FAM50B: variants seen among roughly 807,000 people sequenced by gnomAD.
The protein encoded by FAM50B is protein FAM50B.
In FAM50B, 9 loss-of-function variants were observed where a neutral mutation model predicts 25.4. The observed-to-expected ratio is 0.35, with a 90% confidence interval of 0.21 to 0.62. FAM50B has a LOEUF of 0.62. FAM50B is among the 20% of genes least tolerant of loss of function. The pLI, the probability that FAM50B is intolerant of heterozygous loss-of-function variation, is 0.73. For missense variants in FAM50B, 372 were observed against 477.9 expected (o/e 0.78, Z 2.07); for synonymous variants, 212 against 204.3 (o/e 1.04, Z -0.32).
the FAM50B span, among the ~76,000 whole-genome samples, chr6:3,837,448 T>A: frequency 6.6e-6 from 1 of 152,156 alleles, no homozygotes; most frequent in Admixed American, 6.6e-5. Context: ...AGATGTCTGA[T>A]AGCAAGTAAG....
At chr6:3,848,556 C>T (rs778130496), upstream of FAM50B, among the ~76,000 whole-genome samples, 4 of 152,156 alleles carry the variant, frequency 2.6e-5, no homozygotes, top group African/African-American at 7.2e-5. Flanking sequence ...TGCTCTTAGG[C>T]GGGAGGAGGC....
chr6:3,836,110 A>G, the FAM50B span, among the ~76,000 whole-genome samples: 1 of 152,352 alleles, frequency 6.6e-6, no homozygotes, highest in South Asian at 2.1e-4. Context: ...CTGAGCATGT[A>G]CATCATGCCA....
chr6:3,841,864 C>T, the FAM50B span, among the ~76,000 whole-genome samples: 1 of 152,248 alleles, frequency 6.6e-6, no homozygotes, highest in African/African-American at 2.4e-5. Flanking sequence ...GCTCCAGGAA[C>T]AGCCTTGCCT....
At chr6:3,846,890 A>T (rs1191617711), upstream of FAM50B, among the ~76,000 whole-genome samples, 1 of 152,254 alleles carries the variant, frequency 6.6e-6, no homozygotes, top group Admixed American at 6.5e-5. Flanking sequence ...GCATGAAATC[A>T]ACTTTAATCT....
At chr6:3,842,552 G>C in the FAM50B span, among the ~76,000 whole-genome samples, 7 of 152,164 alleles carry the variant, frequency 4.6e-5, no homozygotes, top group African/African-American at 7.2e-5. Context: ...CCTGGCTTCT[G>C]TCATGCCCCT....
the FAM50B span, chr6:3,833,755 A>T: frequency 6.6e-6 from 1 of 152,182 alleles, no homozygotes; most frequent in South Asian, 2.1e-4. Context: ...ATGTGGCCCT[A>T]AGGAGTGCCA....
the FAM50B span, among the ~76,000 whole-genome samples, chr6:3,839,331 T>G: frequency 6.6e-6 from 1 of 152,058 alleles, no homozygotes; most frequent in Non-Finnish European, 1.5e-5. Context: ...AGGAAGAACA[T>G]TCATCTATTC....
At chr6:3,840,424 G>T in the FAM50B span, among the ~76,000 whole-genome samples, 9 of 151,466 alleles carry the variant, frequency 5.9e-5, no homozygotes, top group African/African-American at 2.2e-4. Context: ...AGTGAGCCGA[G>T]ATCACGCCAC....
upstream of FAM50B, among the ~76,000 whole-genome samples, chr6:3,847,516 C>T (rs1240864013): frequency 1.3e-5 from 2 of 152,240 alleles, no homozygotes; most frequent in East Asian, 1.9e-4. Context: ...AGACTTAGGG[C>T]CTTGCCCTGG....
chr6:3,837,568 T>A, the FAM50B span, among the ~76,000 whole-genome samples: 2 of 152,206 alleles, frequency 1.3e-5, no homozygotes, highest in Middle Eastern at 3.4e-3. Flanking sequence ...ATAAAAAAAA[T>A]GCATAATATC....
At chr6:3,845,403 C>T (rs928777611), upstream of FAM50B, among the ~76,000 whole-genome samples, 6 of 151,826 alleles carry the variant, frequency 4.0e-5, no homozygotes, top group African/African-American at 7.3e-5. Context: ...AGTTCTGATT[C>T]GATTAGAGAA....
chr6:3,833,843 C>T, the FAM50B span: 1 of 152,256 alleles, frequency 6.6e-6, no homozygotes, highest in African/African-American at 2.4e-5. Context: ...CCCATGTGGC[C>T]TCTGATCTTT....
the FAM50B span, among the ~76,000 whole-genome samples, chr6:3,841,424 C>A: frequency 6.6e-6 from 1 of 152,124 alleles, no homozygotes; most frequent in African/African-American, 2.4e-5. Context: ...GTTCCCTGGG[C>A]AGGTAGTCAC....
the FAM50B span, chr6:3,833,537 A>G: frequency 2.0e-5 from 3 of 152,158 alleles, no homozygotes; most frequent in African/African-American, 7.2e-5. Flanking sequence ...TCCCCAGTGC[A>G]TCCTGTGTTT....
At chr6:3,847,008 A>T (rs557206419), upstream of FAM50B, among the ~76,000 whole-genome samples, 1 of 152,356 alleles carries the variant, frequency 6.6e-6, no homozygotes, top group South Asian at 2.1e-4. Flanking sequence ...GGGCTTAAAA[A>T]TATTCAGTAA....
At chr6:3,837,424 C>A in the FAM50B span, among the ~76,000 whole-genome samples, 1 of 152,104 alleles carries the variant, frequency 6.6e-6, no homozygotes, top group Admixed American at 6.6e-5. Context: ...TCTGAACAGA[C>A]ATTTTACTAA....
At chr6:3,835,404 G>T in the FAM50B span, among the ~76,000 whole-genome samples, 6 of 152,182 alleles carry the variant, frequency 3.9e-5, no homozygotes, top group Non-Finnish European at 7.3e-5. Context: ...TCTTGTAACT[G>T]ATCTCATCCC....
chr6:3,845,079 T>A (rs151232444), upstream of FAM50B, among the ~76,000 whole-genome samples: 144 of 152,372 alleles, frequency 9.5e-4, 1 homozygote, highest in African/African-American at 3.3e-3. Flanking sequence ...CAGCCTCATT[T>A]TGCTGATAAA....
upstream of FAM50B, among the ~76,000 whole-genome samples, chr6:3,845,368 G>A (rs1762109308): frequency 6.6e-6 from 1 of 152,258 alleles, no homozygotes; most frequent in East Asian, 1.9e-4. Flanking sequence ...TGGATGATAA[G>A]GTTTAGGGAT....
Sources: allele counts gnomAD v4.1 joint callset (sites outside exome capture counted in the v4.1 genomes callset), GRCh38; gene constraint gnomAD v4.1.1; transcripts MANE v1.5; gene names NCBI Gene and HGNC (gene_info 2026-07-23, HGNC 2026-07-21).